The following MAGI2 variants were observed in gnomAD, a reference collection of about 807,000 sequenced individuals.
MAGI2 encodes membrane-associated guanylate kinase, WW and PDZ domain-containing protein 2.
Under a neutral mutation model 133.3 loss-of-function variants are expected in MAGI2, and 35 were observed. The ratio of observed to expected loss-of-function variants is 0.26; its 90% CI spans 0.20 to 0.35. The LOEUF is 0.35. Among genes scored for constraint, MAGI2 ranks in the 10% least tolerant of loss-of-function variants. MAGI2 has a pLI of 1.00. For synonymous variants in MAGI2, 729 were observed against 710.6 expected, an observed-to-expected ratio of 1.03 and a Z score of -0.41; for missense variants, 1,636 against 1,863.4, an observed-to-expected ratio of 0.88 and a Z score of 2.25.
chr7:78,921,815 T>C (rs762442773), intron 2 of MAGI2, among the ~76,000 whole-genome samples: 1 of 151,970 alleles, frequency 6.6e-6, no homozygotes, highest in Non-Finnish European at 1.5e-5. Flanking sequence ...TGTATTTTTA[T>C]TGGAGACAGG....
At chr7:79,235,687 A>G (rs942041888) in intron 1 of MAGI2, among the ~76,000 whole-genome samples, 2 of 151,972 alleles carry the variant, frequency 1.3e-5, no homozygotes, top group East Asian at 3.9e-4. Context: ...ACCTGCGCCC[A>G]CTGTCTGGCA....
intron 1 of MAGI2, among the ~76,000 whole-genome samples, chr7:79,252,631 G>A (rs1176162496): frequency 6.6e-6 from 1 of 152,120 alleles, no homozygotes; most frequent in Non-Finnish European, 1.5e-5. Flanking sequence ...CACAACGAAT[G>A]AATAAATGTT....
intron 2 of MAGI2, among the ~76,000 whole-genome samples, chr7:78,864,014 CAAGGT>C (rs549760069): frequency 2.6e-4 from 39 of 152,286 alleles, no homozygotes; most frequent in African/African-American, 9.4e-4. Context: ...AAAAGCTGTA[CAAGGT>C]AAGAGTTAAG....
chr7:78,416,413 C>G (rs375063963), intron 6 of MAGI2, among the ~76,000 whole-genome samples: 51 of 146,746 alleles, frequency 3.5e-4, no homozygotes, highest in South Asian at 4.4e-4. Flanking sequence ...AATATTGAAA[C>G]TTAATTTAAT....
intron 2 of MAGI2, among the ~76,000 whole-genome samples, chr7:78,732,230 A>G (rs945474365): frequency 6.6e-6 from 1 of 152,154 alleles, no homozygotes; most frequent in African/African-American, 2.4e-5. Flanking sequence ...TCTCCCAAGA[A>G]TTCAGCTTGC....
chr7:78,415,464 G>C (rs565173052), intron 6 of MAGI2, among the ~76,000 whole-genome samples: 243 of 152,172 alleles, frequency 1.6e-3, no homozygotes, highest in Non-Finnish European at 3.1e-3. Flanking sequence ...GAACAATTCT[G>C]TCTATCTGTA....
intron 1 of MAGI2, 180 bp downstream of exon 1, chr7:79,452,840 C>T: frequency 1.6e-6 from 1 of 641,646 alleles, no homozygotes; most frequent in Middle Eastern, 4.3e-4. Flanking sequence ...TGCCCCTCCC[C>T]TCCCTTTAGC....
chr7:78,033,480 A>G (rs1293630216), intron 21 of MAGI2, among the ~76,000 whole-genome samples: 1 of 26,258 alleles, frequency 3.8e-5, no homozygotes, highest in Non-Finnish European at 8.5e-5. Flanking sequence ...CTCAAAAAAA[A>G]AAAAAAAAAA....
intron 1 of MAGI2, among the ~76,000 whole-genome samples, chr7:79,150,660 C>T (rs1330575325): frequency 6.6e-6 from 1 of 150,932 alleles, no homozygotes; most frequent in Non-Finnish European, 1.5e-5. Flanking sequence ...AATATAACTT[C>T]CCAGAATGTT....
chr7:78,771,790 AT>A, intron 2 of MAGI2, among the ~76,000 whole-genome samples: 1 of 152,370 alleles, frequency 6.6e-6, no homozygotes, highest in Non-Finnish European at 1.5e-5. Flanking sequence ...GGAAAAAAAA[AT>A]AAGTGACAAA....
At chr7:79,397,347 A>G (rs539751208) in intron 1 of MAGI2, among the ~76,000 whole-genome samples, 2 of 152,040 alleles carry the variant, frequency 1.3e-5, no homozygotes, top group Admixed American at 1.3e-4. Context: ...CTACACAATT[A>G]TCATTTTAAT....
At chr7:78,328,350 T>C (rs1044445565) in intron 9 of MAGI2, among the ~76,000 whole-genome samples, 4 of 152,100 alleles carry the variant, frequency 2.6e-5, no homozygotes, top group African/African-American at 9.7e-5. Flanking sequence ...ACCACTGATG[T>C]AGCCTGTAGG....
intron 20 of MAGI2, among the ~76,000 whole-genome samples, chr7:78,107,493 CTG>C (rs1583931362): frequency 6.6e-6 from 1 of 151,906 alleles, no homozygotes; most frequent in Non-Finnish European, 1.5e-5. Flanking sequence ...AAAACATTTC[CTG>C]TGTGTGTCCT....
intron 6 of MAGI2, among the ~76,000 whole-genome samples, chr7:78,403,758 G>T (rs1797120386): frequency 6.6e-6 from 1 of 152,110 alleles, no homozygotes; most frequent in African/African-American, 2.4e-5. Flanking sequence ...CAGTGATGAT[G>T]AGCATTTTTT....
chr7:78,527,023 A>G (rs576363184), intron 3 of MAGI2, among the ~76,000 whole-genome samples: 62 of 145,112 alleles, frequency 4.3e-4, no homozygotes, highest in African/African-American at 1.3e-3. Flanking sequence ...AAAAAAAAAA[A>G]AAAAAAAAAA....
chr7:79,435,766 T>C (rs573066941), intron 1 of MAGI2, among the ~76,000 whole-genome samples: 4 of 152,196 alleles, frequency 2.6e-5, no homozygotes, highest in African/African-American at 9.6e-5. Context: ...AAATTTATTA[T>C]AAAATTCATC....
chr7:79,396,200 T>C (rs536405977), intron 1 of MAGI2, among the ~76,000 whole-genome samples: 32 of 152,258 alleles, frequency 2.1e-4, no homozygotes, highest in East Asian at 1.5e-3. Context: ...GGTCCAGCCA[T>C]AGGACTTGTT....
chr7:78,972,266 A>G (rs896811063), intron 2 of MAGI2, among the ~76,000 whole-genome samples: 1 of 151,966 alleles, frequency 6.6e-6, no homozygotes, highest in African/African-American at 2.4e-5. Context: ...AATATTTTTA[A>G]AAAGGAAAGC....
chr7:79,369,628 CA>C (rs1392732264), intron 1 of MAGI2, among the ~76,000 whole-genome samples: 1 of 152,094 alleles, frequency 6.6e-6, no homozygotes, highest in Non-Finnish European at 1.5e-5. Flanking sequence ...AACTCCAGCA[CA>C]ACTTAAAATT....
Sources: allele counts gnomAD v4.1 joint callset (sites outside exome capture counted in the v4.1 genomes callset), GRCh38; gene constraint gnomAD v4.1.1; transcripts MANE v1.5; gene names NCBI Gene and HGNC (gene_info 2026-07-23, HGNC 2026-07-21).